B3GALNT2: variants seen among roughly 807,000 people sequenced by gnomAD.
The protein encoded by B3GALNT2 is beta-1,3-N-acetylgalactosaminyltransferase 2.
Under a neutral mutation model 61.1 loss-of-function variants are expected in B3GALNT2, and 53 were observed. The observed-to-expected ratio is 0.87, with a 90% CI of 0.70 to 1.09. B3GALNT2 has a LOEUF of 1.09. B3GALNT2 is among the 50% of genes least tolerant of loss of function. The pLI, the probability that B3GALNT2 is intolerant of heterozygous loss-of-function variation, is 0.00. For missense variants in B3GALNT2, 544 were observed against 623.0 expected (o/e 0.87, Z 1.35); for synonymous variants, 223 against 237.4 (o/e 0.94, Z 0.56).
rs988321891 is a variant in B3GALNT2 at position 235,480,069 on chromosome 1, T to C, written c.636A>G (p.Gln212=). 38 of 1,613,786 alleles carry C rather than the reference T, an allele frequency of 2.4e-5. No homozygotes were observed. The highest frequency in any genetic ancestry group is 3.0e-5 in the Non-Finnish European group (35 of 1,179,830). Residue 212 remains glutamine (Q), a synonymous_variant, in exon 5 of 12, where the codon CAA becomes CAG. Coordinates refer to ENST00000366600, the MANE Select transcript of B3GALNT2 (RefSeq NM_152490.5). ...VNKLWYKPVE[Q]FILPESFEGT... Reference sequence around the variant, plus strand: ...CATCCTGTACCTCTGGTAAGATGAATTGTTCCACGGGCTTGTACCACAGCT... The same window carrying C: ...CATCCTGTACCTCTGGTAAGATGAACTGTTCCACGGGCTTGTACCACAGCT...
At chr1:235,473,742 T>C (rs915183972) in intron 5 of B3GALNT2, among the ~76,000 whole-genome samples, 1 of 152,156 alleles carries the variant, frequency 6.6e-6, no homozygotes, top group Non-Finnish European at 1.5e-5. Context: ...ATGATTAATA[T>C]TTAAGAGGAA....
downstream of B3GALNT2, among the ~76,000 whole-genome samples, chr1:235,446,695 GT>G (rs11405266): frequency 1.5e-3 from 210 of 138,878 alleles, no homozygotes; most frequent in Middle Eastern, 3.7e-3. Flanking sequence ...GAGTAGGCAG[GT>G]TTTTTTTTTT....
intron 2 of B3GALNT2, 22 bp downstream of exon 2, chr1:235,494,659 G>C (rs749809235): frequency 6.2e-7 from 1 of 1,602,964 alleles, no homozygotes; most frequent in East Asian, 2.2e-5. Context: ...AACCAGGCAA[G>C]GCAACAACTC....
intron 2 of B3GALNT2, among the ~76,000 whole-genome samples, chr1:235,493,978 C>T (rs539416911): frequency 3.3e-5 from 5 of 152,268 alleles, no homozygotes; most frequent in African/African-American, 1.2e-4. Flanking sequence ...CAGACTAAGG[C>T]TTTGGGCCCC....
downstream of B3GALNT2, chr1:235,443,070 T>TA: frequency 1.4e-6 from 1 of 730,796 alleles, no homozygotes; most frequent in South Asian, 1.7e-5. Flanking sequence ...TCAATCATGC[T>TA]AATATCACTC....
intron 5 of B3GALNT2, among the ~76,000 whole-genome samples, chr1:235,476,570 C>T (rs1017580280): frequency 6.6e-6 from 1 of 151,994 alleles, no homozygotes; most frequent in Admixed American, 6.6e-5. Flanking sequence ...AAAATTTAGG[C>T]CAGGCGTGGT....
downstream of B3GALNT2, among the ~76,000 whole-genome samples, chr1:235,445,640 TAAAAC>T (rs767339707): frequency 3.3e-5 from 5 of 151,786 alleles, no homozygotes; most frequent in South Asian, 2.1e-4. Flanking sequence ...TGTCTAAAAT[TAAAAC>T]AAAACAAAAC....
At chr1:235,494,517 T>G (rs1174531589) in intron 2 of B3GALNT2, among the ~76,000 whole-genome samples, 164 bp downstream of exon 2, 2 of 151,620 alleles carry the variant, frequency 1.3e-5, no homozygotes, top group African/African-American at 4.8e-5. Context: ...AATGCAGTGG[T>G]GCAATCATGG....
At chr1:235,446,033 G>A (rs559511909), downstream of B3GALNT2, among the ~76,000 whole-genome samples, 13 of 152,250 alleles carry the variant, frequency 8.5e-5, no homozygotes, top group South Asian at 1.7e-3. Flanking sequence ...CATACTCGCC[G>A]CTTTCCAGGT....
At position 235,480,066 on chromosome 1, in the gene B3GALNT2, G is replaced by T; in HGVS notation, c.639C>A (p.Phe213Leu). The change falls in exon 5 of 12, where the codon TTC becomes TTA. Residue 213 changes from phenylalanine (F) to leucine (L), a missense_variant. Phe to Leu is a conservative substitution (Grantham distance 22). Transcript: ENST00000366600. ...NKLWYKPVEQFILPESFEGTI... is the reference protein window; with the variant it reads ...NKLWYKPVEQLILPESFEGTI... The stretch of plus-strand genomic sequence containing the variant: ...TGCCATCCTGTACCTCTGGTAAGAT[G>T]AATTGTTCCACGGGCTTGTACCACA... 1 of 1,613,866 alleles carries T rather than the reference G, an allele frequency of 6.2e-7. No individual in the cohort carries two copies.
chr1:235,491,165 TTTA>T (rs1182367207), intron 2 of B3GALNT2, among the ~76,000 whole-genome samples: 1 of 152,058 alleles, frequency 6.6e-6, no homozygotes, highest in Non-Finnish European at 1.5e-5. Context: ...AGTCACTGAC[TTTA>T]TTAAGTGTAA....
chr1:235,452,013 C>T (rs889820574), intron 11 of B3GALNT2: 3 of 89,676 alleles, frequency 3.3e-5, no homozygotes, highest in African/African-American at 1.3e-4. Flanking sequence ...TGGATTCTGT[C>T]GTTCAGTTTT....
chr1:235,442,657 G>C (rs1262401543), downstream of B3GALNT2, among the ~76,000 whole-genome samples: 1 of 152,192 alleles, frequency 6.6e-6, no homozygotes, highest in Non-Finnish European at 1.5e-5. Flanking sequence ...GGGGAAAAGG[G>C]AAAGTATTGT....
chr1:235,443,088 C>G, downstream of B3GALNT2: 1 of 649,764 alleles, frequency 1.5e-6, no homozygotes, highest in Non-Finnish European at 2.6e-6. Context: ...CTCCCCCATG[C>G]CCCCAAAAGT....
intron 5 of B3GALNT2, among the ~76,000 whole-genome samples, chr1:235,475,470 G>C (rs972900442): frequency 6.6e-6 from 1 of 152,062 alleles, no homozygotes; most frequent in Non-Finnish European, 1.5e-5. Flanking sequence ...ACCAAGTGTG[G>C]AGGGAATACG....
intron 7 of B3GALNT2, 176 bp downstream of exon 7, chr1:235,465,460 G>A: frequency 1.0e-6 from 1 of 995,796 alleles, no homozygotes; most frequent in Non-Finnish European, 1.4e-6. Flanking sequence ...TTGGGAGGTG[G>A]AGCCGGTTGT....
intron 5 of B3GALNT2, among the ~76,000 whole-genome samples, chr1:235,476,186 C>T (rs1055651429): frequency 2.7e-5 from 4 of 150,186 alleles, no homozygotes; most frequent in East Asian, 2.0e-4. Context: ...GGCAGGCGGG[C>T]GGATCATGAG....
At chr1:235,489,693 C>A (rs1196564392) in intron 2 of B3GALNT2, among the ~76,000 whole-genome samples, 2 of 152,180 alleles carry the variant, frequency 1.3e-5, no homozygotes, top group African/African-American at 2.4e-5. Context: ...CCCTTCTCTC[C>A]TAGACCTTGC....
intron 1 of B3GALNT2, among the ~76,000 whole-genome samples, chr1:235,502,582 A>G (rs1685631253): frequency 6.6e-6 from 1 of 152,220 alleles, no homozygotes; most frequent in African/African-American, 2.4e-5. Context: ...AGCCTGGTCT[A>G]ACTACTGGAT....
Sources: allele counts gnomAD v4.1 joint callset (sites outside exome capture counted in the v4.1 genomes callset), GRCh38; gene constraint gnomAD v4.1.1; transcripts MANE v1.5; gene names NCBI Gene and HGNC (gene_info 2026-07-23, HGNC 2026-07-21).